Variants in SRGAP3 observed in about 807,000 individuals in gnomAD.
SRGAP3 encodes the protein SLIT-ROBO Rho GTPase activating protein 3.
In SRGAP3, 39 loss-of-function variants were observed where a neutral mutation model predicts 121.1. That is an observed-to-expected ratio of 0.32 (90% CI 0.25 to 0.42). The LOEUF is 0.42. Among genes scored for constraint, SRGAP3 ranks in the 10% least tolerant of loss-of-function variants. SRGAP3 has a pLI of 1.00. For synonymous variants in SRGAP3, 601 were observed against 570.0 expected (o/e 1.05, Z -0.77); for missense variants, 1,213 against 1,470.6 (o/e 0.82, Z 2.86).
In SRGAP3 at chr3:8,990,859, C is replaced by A; in HGVS notation, c.2559-20G>T. ...CGCACTCTGCAAAGGAGCCAGGGGG[C>A]GAGGGGCATGGGGCAGAGGTCAAGC... On this transcript the variant is annotated intron_variant, in intron 20 of 21. Transcript: ENST00000383836. 1.3e-6 allele frequency: 2 copies of A among 1,492,940 alleles called. No individual in the cohort carries two copies. The highest frequency in any genetic ancestry group is 1.8e-6 in the Non-Finnish European group (2 of 1,129,150). 92.5% of individuals were successfully genotyped at this position (1,492,940 alleles called of 1,614,324 possible).
At chr3:9,020,621 C>T (rs1031274946) in intron 14 of SRGAP3, among the ~76,000 whole-genome samples, 5 of 152,188 alleles carry the variant, frequency 3.3e-5, no homozygotes, top group Admixed American at 6.5e-5. Flanking sequence ...CACATACACA[C>T]GCCATTAGTT....
rs1174320264 is a variant in SRGAP3 at position 9,218,459 on chromosome 3, T to C, written c.67+30426A>G. 1 of 152,190 alleles carries C rather than the reference T, an allele frequency of 6.6e-6. No homozygotes were observed. Among genetic ancestry groups the C allele is most frequent in the Non-Finnish European group, 1.5e-5 (1 of 68,064 alleles). 9.4% of individuals were successfully genotyped at this position (152,190 alleles called of 1,614,324 possible). ...TGCCCAGCCCCAAGCCCAGGGCAGATCTGATACTCTCCTGCTGACCCTGAC... is the reference window on the plus strand; with the variant it reads ...TGCCCAGCCCCAAGCCCAGGGCAGACCTGATACTCTCCTGCTGACCCTGAC... On this transcript the variant is annotated intron_variant, in intron 1 of 21. Transcript: ENST00000383836. The surrounding 1 kb of genome is among the most constrained non-coding windows in gnomAD (Gnocchi z 5.3).
intron 3 of SRGAP3, among the ~76,000 whole-genome samples, chr3:9,310,679 G>C (rs1004265799): frequency 4.6e-5 from 7 of 152,212 alleles, no homozygotes; most frequent in African/African-American, 1.7e-4. Flanking sequence ...GGGCCAGAGA[G>C]TGAAAACCAG....
intron 3 of SRGAP3, among the ~76,000 whole-genome samples, chr3:9,325,455 T>C (rs1016758433): frequency 6.6e-6 from 1 of 152,010 alleles, no homozygotes; most frequent in Non-Finnish European, 1.5e-5. Flanking sequence ...TGTACTTTTC[T>C]GTTTAGTCAA....
At chr3:9,103,348 T>C (rs1354375768) in intron 3 of SRGAP3, among the ~76,000 whole-genome samples, 1 of 152,204 alleles carries the variant, frequency 6.6e-6, no homozygotes, top group Non-Finnish European at 1.5e-5. Flanking sequence ...TAAATTCGCA[T>C]AATAATAGTC....
chr3:9,011,491 AC>A (rs1943373992), intron 17 of SRGAP3, among the ~76,000 whole-genome samples: 1 of 152,108 alleles, frequency 6.6e-6, no homozygotes, highest in African/African-American at 2.4e-5. Flanking sequence ...CTCTGACCAC[AC>A]TGAACTGCTT....
intron 2 of SRGAP3, among the ~76,000 whole-genome samples, chr3:9,112,397 G>A (rs1238282720): frequency 1.3e-5 from 2 of 152,266 alleles, no homozygotes; most frequent in Non-Finnish European, 2.9e-5. Context: ...CTTGCTTGTA[G>A]CATGAATCAT....
At chr3:9,058,782 C>G (rs1311294192) in intron 6 of SRGAP3, 3 of 335,108 alleles carry the variant, frequency 9.0e-6, no homozygotes, top group East Asian at 6.4e-5. Flanking sequence ...TGCAGTGGCA[C>G]GATCTCGGCT....
chr3:9,297,340 T>C (rs1402016030), intron 3 of SRGAP3, among the ~76,000 whole-genome samples: 2 of 152,068 alleles, frequency 1.3e-5, no homozygotes, highest in Non-Finnish European at 2.9e-5. Flanking sequence ...AAGAATAATA[T>C]ACAGGGTAGT....
chr3:9,140,601 T>C (rs1269054290), intron 1 of SRGAP3, among the ~76,000 whole-genome samples: 3 of 152,230 alleles, frequency 2.0e-5, no homozygotes, highest in Non-Finnish European at 4.4e-5. Flanking sequence ...TTGCAGGCCA[T>C]ATCATCTCTA....
chr3:9,172,047 T>C (rs1950997453), intron 1 of SRGAP3, among the ~76,000 whole-genome samples: 1 of 151,914 alleles, frequency 6.6e-6, no homozygotes, highest in Non-Finnish European at 1.5e-5. Context: ...TCTCCCTTTT[T>C]ATTAGTTAGA....
intron 1 of SRGAP3, among the ~76,000 whole-genome samples, chr3:9,158,902 T>C (rs939312117): frequency 6.6e-6 from 1 of 152,052 alleles, no homozygotes; most frequent in African/African-American, 2.4e-5. Flanking sequence ...CTGACCCAAA[T>C]GAAATGCCCT....
At chr3:9,295,969 A>G (rs1377400537) in intron 3 of SRGAP3, among the ~76,000 whole-genome samples, 1 of 152,190 alleles carries the variant, frequency 6.6e-6, no homozygotes, top group African/African-American at 2.4e-5. Context: ...TATTTATCAG[A>G]ATTCCTTCCT....
intron 1 of SRGAP3, among the ~76,000 whole-genome samples, chr3:9,134,854 T>G (rs1455649624): frequency 6.6e-6 from 1 of 152,194 alleles, no homozygotes; most frequent in Non-Finnish European, 1.5e-5. Flanking sequence ...CATAGCACAA[T>G]GTAGCGGGCT....
At chr3:9,153,719 A>G (rs1279970686) in intron 1 of SRGAP3, among the ~76,000 whole-genome samples, 2 of 149,690 alleles carry the variant, frequency 1.3e-5, no homozygotes, top group South Asian at 2.1e-4. Context: ...GATCTTTTAA[A>G]TAATACATCT....
At chr3:9,269,864 C>T (rs139288374) in intron 3 of SRGAP3, among the ~76,000 whole-genome samples, 1 of 146,866 alleles carries the variant, frequency 6.8e-6, no homozygotes, top group East Asian at 2.0e-4. Flanking sequence ...AAAAATGTGG[C>T]AAGGAAGGAA....
At chr3:9,119,201 A>T (rs1046955570) in intron 2 of SRGAP3, among the ~76,000 whole-genome samples, 1 of 152,146 alleles carries the variant, frequency 6.6e-6, no homozygotes, top group Admixed American at 6.5e-5. Flanking sequence ...CAGAAACAGG[A>T]GACATCCTTG....
chr3:9,024,009 AG>A (rs1944058197), intron 14 of SRGAP3, among the ~76,000 whole-genome samples: 2 of 152,188 alleles, frequency 1.3e-5, no homozygotes, highest in South Asian at 4.1e-4. Context: ...GATGACCGAG[AG>A]GCAGAGAATT....
chr3:9,096,424 A>G (rs1947968469), intron 3 of SRGAP3, among the ~76,000 whole-genome samples: 1 of 152,184 alleles, frequency 6.6e-6, no homozygotes, highest in Non-Finnish European at 1.5e-5. Flanking sequence ...GGCACACAGA[A>G]GCATTATTAA....
Sources: gnomAD v4.1 joint callset for allele counts (sites outside exome capture counted in the v4.1 genomes callset) on GRCh38, gnomAD v4.1.1 for gene constraint, Gnocchi (gnomAD v3.1) non-coding constraint, MANE v1.5 for transcripts, NCBI Gene and HGNC (gene_info 2026-07-23, HGNC 2026-07-21) for gene names.